The following RPS6KC1 variants were observed in gnomAD, a reference collection of about 807,000 sequenced individuals.
The protein encoded by RPS6KC1 is inactive ribosomal protein S6 kinase delta-1.
In RPS6KC1, 54 loss-of-function variants were observed where a neutral mutation model predicts 103.8. The ratio of observed to expected loss-of-function variants is 0.52; its 90% CI spans 0.42 to 0.65. The LOEUF is 0.65. Among genes scored for constraint, RPS6KC1 ranks in the 30% least tolerant of loss-of-function variants. The probability of loss-of-function intolerance (pLI) is 0.00; values close to 1 mark genes in which losing one functional copy is unlikely to be tolerated. For missense variants in RPS6KC1, 1,151 were observed against 1,253.8 expected (o/e 0.92, Z 1.24); for synonymous variants, 439 against 438.7 (o/e 1.00, Z -0.01).
At chr1:213,679,290 C>T in the RPS6KC1 span, among the ~76,000 whole-genome samples, 3 of 152,220 alleles carry the variant, frequency 2.0e-5, no homozygotes, top group African/African-American at 4.8e-5. Flanking sequence ...TCCTTCCATA[C>T]TCACAGAATC....
At chr1:213,390,500 A>G in the RPS6KC1 span, among the ~76,000 whole-genome samples, 1 of 152,256 alleles carries the variant, frequency 6.6e-6, no homozygotes, top group African/African-American at 2.4e-5. Context: ...TGGACAGAAA[A>G]TATGGCAAAT....
At chr1:213,775,773 T>C in the RPS6KC1 span, among the ~76,000 whole-genome samples, 3 of 152,330 alleles carry the variant, frequency 2.0e-5, no homozygotes, top group East Asian at 3.9e-4. Flanking sequence ...GTCTCTGTAG[T>C]ATGTGACACT....
chr1:213,710,680 T>G, the RPS6KC1 span, among the ~76,000 whole-genome samples: 34 of 152,344 alleles, frequency 2.2e-4, no homozygotes, highest in East Asian at 4.4e-3. Flanking sequence ...ATTTAGTGCT[T>G]CCTTCAGGAG....
the RPS6KC1 span, among the ~76,000 whole-genome samples, chr1:213,740,716 T>C: frequency 3.5e-3 from 514 of 147,440 alleles, 7 homozygotes; most frequent in African/African-American, 0.012. Context: ...CTCAGATATA[T>C]GTACACATAT....
Position 213,167,855 on chromosome 1 carries a change from T to C in RPS6KC1, c.836-3T>C, listed in dbSNP as rs746715230. 4 of 1,587,802 alleles carry C rather than the reference T, an allele frequency of 2.5e-6. No individual in the cohort carries two copies. The highest frequency in any genetic ancestry group is 3.4e-6 in the Non-Finnish European group (4 of 1,168,706). ...TTTTACATGTCCAGACTTTTTTTTT[T>C]AGGAGAGTCAAGCCCTACCCGTCGA... On this transcript the variant is annotated splice_region_variant and splice_polypyrimidine_tract_variant and intron_variant, in intron 6 of 14. Coordinates refer to ENST00000366960, the MANE Select transcript of RPS6KC1 (RefSeq NM_012424.6).
chr1:213,363,797 TC>T, the RPS6KC1 span, among the ~76,000 whole-genome samples: 1 of 103,208 alleles, frequency 9.7e-6, no homozygotes, highest in Non-Finnish European at 1.9e-5. Context: ...TTTCTTTCTT[TC>T]TTTCTTTCTT....
the RPS6KC1 span, among the ~76,000 whole-genome samples, chr1:213,600,362 C>T: frequency 1.3e-5 from 2 of 152,150 alleles, no homozygotes; most frequent in Admixed American, 6.5e-5. Flanking sequence ...GGAGGAGTCC[C>T]CTCTCTACCC....
chr1:213,353,111 G>GTCTA, the RPS6KC1 span, among the ~76,000 whole-genome samples: 60 of 152,302 alleles, frequency 3.9e-4, no homozygotes, highest in Admixed American at 7.2e-4. Context: ...TATGTGTATT[G>GTCTA]TCTATCTCCA....
chr1:213,518,690 G>C, the RPS6KC1 span, among the ~76,000 whole-genome samples: 6 of 152,148 alleles, frequency 3.9e-5, no homozygotes. Flanking sequence ...AAATTACTGG[G>C]CATGGTTTTT....
chr1:213,577,618 T>C, the RPS6KC1 span, among the ~76,000 whole-genome samples: 1 of 152,150 alleles, frequency 6.6e-6, no homozygotes, highest in Non-Finnish European at 1.5e-5. Context: ...GAGGAACTTA[T>C]TGGGAACTGG....
At chr1:213,218,718 A>C (rs911737034) in intron 8 of RPS6KC1, among the ~76,000 whole-genome samples, 1 of 152,210 alleles carries the variant, frequency 6.6e-6, no homozygotes, top group South Asian at 2.1e-4. Context: ...ATAACGCCGC[A>C]TATCTACAAC....
At chr1:213,307,882 A>G in the RPS6KC1 span, among the ~76,000 whole-genome samples, 9 of 152,276 alleles carry the variant, frequency 5.9e-5, no homozygotes, top group African/African-American at 2.2e-4. Context: ...TGGCTCCCCC[A>G]GTCTCCCGCA....
intron 14 of RPS6KC1, 26 bp downstream of exon 14, chr1:213,262,842 G>T (rs1342091435): frequency 5.6e-5 from 76 of 1,364,324 alleles, no homozygotes; most frequent in Non-Finnish European, 8.0e-5. Flanking sequence ...TATTGGCCAG[G>T]TTTATCAACC....
the RPS6KC1 span, among the ~76,000 whole-genome samples, chr1:213,455,913 C>A: frequency 0.015 from 2,344 of 152,230 alleles, 58 homozygotes; most frequent in African/African-American, 0.052. Flanking sequence ...TTGAACATAG[C>A]CGAAGGCCCC....
At chr1:213,297,607 T>A in the RPS6KC1 span, among the ~76,000 whole-genome samples, 2 of 152,134 alleles carry the variant, frequency 1.3e-5, no homozygotes, top group Non-Finnish European at 2.9e-5. Flanking sequence ...GAAATAACTA[T>A]ATGTGGTTTG....
At chr1:213,709,166 A>C in the RPS6KC1 span, among the ~76,000 whole-genome samples, 1 of 152,158 alleles carries the variant, frequency 6.6e-6, no homozygotes. Context: ...TTTGTCTGTG[A>C]ATCCGTCTGG....
At chr1:213,776,387 T>TAAGCATAGTGTTA in the RPS6KC1 span, among the ~76,000 whole-genome samples, 1 of 152,338 alleles carries the variant, frequency 6.6e-6, no homozygotes, top group Middle Eastern at 3.4e-3. Context: ...TTGTGTTAGC[T>TAAGCATAGTGTTA]GACATGAAGA....
intron 3 of RPS6KC1, among the ~76,000 whole-genome samples, chr1:213,096,214 A>G (rs2081437854): frequency 6.6e-6 from 1 of 152,200 alleles, no homozygotes; most frequent in Admixed American, 6.5e-5. Context: ...GCTCGTCCAT[A>G]AGAAGCAACT....
intron 7 of RPS6KC1, among the ~76,000 whole-genome samples, chr1:213,169,978 C>T (rs552996775): frequency 6.6e-6 from 1 of 152,108 alleles, no homozygotes; most frequent in Non-Finnish European, 1.5e-5. Flanking sequence ...GATGGGGTTT[C>T]GCCATGTTGG....
Sources: allele counts gnomAD v4.1 joint callset (sites outside exome capture counted in the v4.1 genomes callset), GRCh38; gene constraint gnomAD v4.1.1; transcripts MANE v1.5; gene names NCBI Gene and HGNC (gene_info 2026-07-23, HGNC 2026-07-21).